OPA3: variants seen among roughly 807,000 people sequenced by gnomAD.
OPA3 encodes optic atrophy 3 protein.
A neutral mutation model predicts 4.0 loss-of-function variants in OPA3; 6 were observed. The ratio of observed to expected loss-of-function variants is 1.51; its 90% CI spans 0.83 to 2.99. The LOEUF is 2.99. Ranked by LOEUF, OPA3 falls within the 30% of genes most tolerant of loss-of-function variation. The probability of loss-of-function intolerance (pLI) is 0.00; values close to 1 mark genes in which losing one functional copy is unlikely to be tolerated. For missense variants in OPA3, 235 were observed against 256.2 expected (o/e 0.92, Z 0.56); for synonymous variants, 105 against 117.1 (o/e 0.90, Z 0.67).
chr19:45,562,361 AAAG>A (rs565222309), intron 1 of OPA3, among the ~76,000 whole-genome samples: 6,438 of 124,294 alleles, frequency 0.052, 374 homozygotes, highest in South Asian at 0.11. Context: ...AAAAAAAAAA[AAAG>A]AAAAGAAAAA....
At chr19:45,546,101 C>T (rs1465671864), downstream of OPA3, among the ~76,000 whole-genome samples, 1 of 152,002 alleles carries the variant, frequency 6.6e-6, no homozygotes, top group Non-Finnish European at 1.5e-5. Flanking sequence ...CTTGTTCTAA[C>T]AAGACATATA....
At chr19:45,573,823 G>C (rs1969724362) in intron 1 of OPA3, among the ~76,000 whole-genome samples, 1 of 152,206 alleles carries the variant, frequency 6.6e-6, no homozygotes, top group South Asian at 2.1e-4. Flanking sequence ...AGTGCACGAA[G>C]TCTTTATCTA....
chr19:45,574,147 A>G (rs1969730909), intron 1 of OPA3, among the ~76,000 whole-genome samples: 2 of 151,860 alleles, frequency 1.3e-5, no homozygotes, highest in Admixed American at 6.6e-5. Context: ...TAATCCCAGC[A>G]CTTTGGGAGG....
intron 1 of OPA3, among the ~76,000 whole-genome samples, chr19:45,530,784 C>T (rs1568394595): frequency 1.3e-5 from 2 of 151,336 alleles, no homozygotes; most frequent in Non-Finnish European, 2.9e-5. Flanking sequence ...ATTTTCGAGA[C>T]AGAGTCTCGG....
chr19:45,542,351 T>C (rs1460783779), downstream of OPA3, among the ~76,000 whole-genome samples: 2 of 152,168 alleles, frequency 1.3e-5, no homozygotes, highest in East Asian at 3.8e-4. Flanking sequence ...GAGAAATGCA[T>C]TGTTTGGTGA....
chr19:45,552,886 G>T lies in OPA3; in HGVS notation c.*628C>A. The T allele has an allele frequency of 1.9e-6, 1 of 512,838 alleles. No homozygotes were observed. The highest frequency in any genetic ancestry group is 2.5e-6 in the Non-Finnish European group (1 of 398,516). The allele number at this position is 512,838 out of a possible 1,614,324, so 31.8% of individuals were successfully genotyped here. On this transcript the variant is annotated 3_prime_UTR_variant, in exon 2 of 2. Transcript: ENST00000263275. Reference sequence around the variant, plus strand: ...AGACGGAGTTTCACCATGTTGGCCAGGCTGGTCTGGAACTCCTGACCTCAA... The same window carrying T: ...AGACGGAGTTTCACCATGTTGGCCATGCTGGTCTGGAACTCCTGACCTCAA...
At chr19:45,575,276 A>C (rs1969750012) in intron 1 of OPA3, among the ~76,000 whole-genome samples, 1 of 151,952 alleles carries the variant, frequency 6.6e-6, no homozygotes, top group Admixed American at 6.6e-5. Flanking sequence ...TTTTTAGTAA[A>C]GAAAGGGTTT....
Position 45,550,783 on chromosome 19 carries a change from T to A in OPA3, c.*2731A>T, listed in dbSNP as rs1356259503. ...CAGCCTCAGGATGCCTTCATCACCTTGCAGCTCCTCTAATGAGAGAGCTAC... is the reference window on the plus strand; with the variant it reads ...CAGCCTCAGGATGCCTTCATCACCTAGCAGCTCCTCTAATGAGAGAGCTAC... On this transcript the variant is annotated 3_prime_UTR_variant, in exon 2 of 2. Coordinates refer to ENST00000263275, the MANE Select transcript of OPA3 (RefSeq NM_025136.4). 1.0e-6 allele frequency: 1 copy of A among 985,828 alleles called. No homozygotes were observed. Among genetic ancestry groups the A allele is most frequent in the East Asian group, 1.1e-4 (1 of 8,830 alleles). The allele number at this position is 985,828 out of a possible 1,614,324, so 61.1% of individuals were successfully genotyped here.
At chr19:45,541,591 G>A (rs1969186419), downstream of OPA3, among the ~76,000 whole-genome samples, 3 of 152,012 alleles carry the variant, frequency 2.0e-5, no homozygotes, top group South Asian at 6.2e-4. Context: ...TGGAGAAAGA[G>A]TCTCAGTCTG....
At chr19:45,579,109 C>T (rs1039219364) in intron 1 of OPA3, among the ~76,000 whole-genome samples, 1 of 152,182 alleles carries the variant, frequency 6.6e-6, no homozygotes, top group Non-Finnish European at 1.5e-5. Context: ...GGCATATTTT[C>T]AGTGAGTTCT....
chr19:45,565,060 A>G (rs1334810332), intron 1 of OPA3, among the ~76,000 whole-genome samples: 2 of 150,328 alleles, frequency 1.3e-5, no homozygotes, highest in African/African-American at 4.9e-5. Flanking sequence ...CCTCATCTCT[A>G]CTAAAAATAA....
chr19:45,550,901 C>T lies in OPA3; in HGVS notation c.*2613G>A, dbSNP rs573757220. 141 of 985,832 alleles carry T rather than the reference C, an allele frequency of 1.4e-4. 1 individual carries two copies. In the African/African-American group the frequency reaches 1.9e-3, roughly 13 times the overall value. The allele number at this position is 985,832 out of a possible 1,614,324, so 61.1% of individuals were successfully genotyped here. ...AGAAACCCAGTAGAAAAGGGTGGTT[C>T]CTAGACTGTTCCTCTCAGCTAGCAG... On this transcript the variant is annotated 3_prime_UTR_variant, in exon 2 of 2. Coordinates refer to ENST00000263275, the MANE Select transcript of OPA3 (RefSeq NM_025136.4).
intron 1 of OPA3, among the ~76,000 whole-genome samples, chr19:45,584,043 C>A (rs375699708): frequency 6.6e-6 from 1 of 152,352 alleles, no homozygotes; most frequent in South Asian, 2.1e-4. Flanking sequence ...AATGTCCTCT[C>A]TGGCTCAAAG....
At position 45,552,964 on chromosome 19, in the gene OPA3, C is replaced by A; in HGVS notation, c.*550G>T. ...GTGCTAGGATTACAGGCGTGAGCCA[C>A]CGCTCCCAGCCGCACCGTTTTTTTC... On this transcript the variant is annotated 3_prime_UTR_variant, in exon 2 of 2. Coordinates refer to ENST00000263275, the MANE Select transcript of OPA3 (RefSeq NM_025136.4). 1 of 990,550 alleles carries A rather than the reference C, an allele frequency of 1.0e-6. No homozygotes were observed. Among genetic ancestry groups the A allele is most frequent in the Non-Finnish European group, 1.2e-6 (1 of 833,128 alleles). 61.4% of individuals were successfully genotyped at this position (990,550 alleles called of 1,614,324 possible).
Position 45,548,669 on chromosome 19 carries a change from T to G in OPA3, c.*4845A>C, listed in dbSNP as rs923555974. 76 of 983,758 alleles carry G rather than the reference T, an allele frequency of 7.7e-5. No homozygotes were observed. The highest frequency in any genetic ancestry group is 8.6e-5 in the Non-Finnish European group (71 of 828,828). 60.9% of individuals were successfully genotyped at this position (983,758 alleles called of 1,614,324 possible). A position where few individuals can be genotyped will look rare whatever the true frequency, so the allele number is the denominator to read the frequency against. Reference sequence around the variant, plus strand: ...TGTGTTTTATTTTTTTTATTTTTTTTTTTTTTGCGGGAGACGCCCTACCAA... The same window carrying G: ...TGTGTTTTATTTTTTTTATTTTTTTGTTTTTTGCGGGAGACGCCCTACCAA... On this transcript the variant is annotated 3_prime_UTR_variant, in exon 2 of 2. Transcript: ENST00000263275.
At chr19:45,538,209 T>C (rs775834622) in intron 1 of OPA3, among the ~76,000 whole-genome samples, 22 of 149,234 alleles carry the variant, frequency 1.5e-4, no homozygotes, top group Non-Finnish European at 2.2e-4. Flanking sequence ...GGTAGGAGGA[T>C]TGCTTGAGAC....
intron 1 of OPA3, among the ~76,000 whole-genome samples, chr19:45,569,029 C>T (rs1231988188): frequency 2.6e-5 from 4 of 152,168 alleles, no homozygotes; most frequent in South Asian, 2.1e-4. Flanking sequence ...AATTACTCAG[C>T]CTCCTAATGG....
In OPA3 at chr19:45,584,675, G is replaced by T. The variant is rs1600010139; in HGVS notation, c.90C>A (p.Ala30=). The change falls in exon 1 of 2, where the codon GCC becomes GCA. Residue 30 remains alanine (A), a synonymous_variant. Coordinates refer to ENST00000263275, the MANE Select transcript of OPA3 (RefSeq NM_025136.4). The stretch of plus-strand genomic sequence containing the variant: ...TCTTGAAGAACTCGCTTCGGCGGGC[G>T]GCCTCCTTAATACGGTTGGCAAGCG... ...SKPLANRIKE[A]ARRSEFFKTY... The T allele has an allele frequency of 6.2e-7, 1 of 1,614,186 alleles. No homozygotes were observed. The highest frequency in any genetic ancestry group is 8.5e-7 in the Non-Finnish European group (1 of 1,180,030).
Position 45,548,404 on chromosome 19 carries a change from C to G in OPA3, c.*5110G>C, listed in dbSNP as rs930531316. 1 of 985,574 alleles carries G rather than the reference C, an allele frequency of 1.0e-6. No individual in the cohort carries two copies. Among genetic ancestry groups the G allele is most frequent in the Non-Finnish European group, 1.2e-6 (1 of 830,032 alleles). The allele number at this position is 985,574 out of a possible 1,614,324, so 61.1% of individuals were successfully genotyped here. ...GAGGGGCACAGCCCTCAGGGCACCT[C>G]CCAGGGTTTTGTGAGCTGGGATGAA... On this transcript the variant is annotated 3_prime_UTR_variant, in exon 2 of 2. Coordinates refer to ENST00000263275, the MANE Select transcript of OPA3 (RefSeq NM_025136.4).
Sources: gnomAD v4.1 joint callset for allele counts (sites outside exome capture counted in the v4.1 genomes callset) on GRCh38, gnomAD v4.1.1 for gene constraint, MANE v1.5 for transcripts, NCBI Gene and HGNC (gene_info 2026-07-23, HGNC 2026-07-21) for gene names.